NBEA: variants seen among roughly 807,000 people sequenced by gnomAD.
NBEA encodes the protein neurobeachin.
A neutral mutation model predicts 343.4 loss-of-function variants in NBEA; 44 were observed. That is an observed-to-expected ratio of 0.13 (90% confidence interval 0.10 to 0.16). The LOEUF is 0.16. Ranked by LOEUF, NBEA falls within the 10% of genes least tolerant of loss-of-function variation. The pLI is 1.00. For synonymous variants in NBEA, 1,175 were observed against 1,238.7 expected, an observed-to-expected ratio of 0.95 and a Z score of 1.08; for missense variants, 2,555 against 3,631.3, an observed-to-expected ratio of 0.70 and a Z score of 7.62.
intron 18 of NBEA, among the ~76,000 whole-genome samples, chr13:35,150,541 G>A (rs1040939326): frequency 3.3e-5 from 5 of 152,062 alleles, no homozygotes; most frequent in South Asian, 2.1e-4. Context: ...AAAGGAAATC[G>A]CTTCCAGACT....
chr13:35,018,995 A>G (rs1394866611), intron 1 of NBEA, among the ~76,000 whole-genome samples: 2 of 150,596 alleles, frequency 1.3e-5, no homozygotes, highest in Admixed American at 6.6e-5. Context: ...ATCTTTTGAC[A>G]TCATCATGTG....
At chr13:35,643,719 G>C (rs78817546) in intron 49 of NBEA, among the ~76,000 whole-genome samples, 12,643 of 152,204 alleles carry the variant, frequency 0.083, 660 homozygotes, top group African/African-American at 0.15. Context: ...CCTTGCCCAA[G>C]GAGGTGAAGG....
intron 10 of NBEA, among the ~76,000 whole-genome samples, chr13:35,074,630 G>A (rs2152582879): frequency 6.6e-6 from 1 of 152,224 alleles, no homozygotes; most frequent in Non-Finnish European, 1.5e-5. Flanking sequence ...TGGGTGTGTA[G>A]TAGTGGTACA....
At chr13:35,470,736 A>T (rs2075605450) in intron 40 of NBEA, among the ~76,000 whole-genome samples, 1 of 152,096 alleles carries the variant, frequency 6.6e-6, no homozygotes, top group Non-Finnish European at 1.5e-5. Flanking sequence ...GCGTTGGGGG[A>T]TTCGGAGGAG....
In NBEA at chr13:35,050,258, T is replaced by G; in HGVS notation, c.846-11T>G. ...CAGAGGATATTATACTATTCTCAGT[T>G]GTCTTTGCAGTTTTCGTACTAGCAA... On this transcript the variant is annotated splice_polypyrimidine_tract_variant and intron_variant, in intron 5 of 58. Coordinates refer to ENST00000379939, the MANE Select transcript of NBEA (RefSeq NM_001385012.1). The G allele has an allele frequency of 6.2e-7, 1 of 1,606,700 alleles. No homozygotes were observed.
At chr13:35,237,811 CATTT>C (rs2075304796) in intron 34 of NBEA, among the ~76,000 whole-genome samples, 2 of 152,090 alleles carry the variant, frequency 1.3e-5, no homozygotes, top group Admixed American at 1.3e-4. Context: ...TTAAGGCACA[CATTT>C]ATTTTTGTTT....
At chr13:35,235,948 G>A (rs1418134053) in intron 34 of NBEA, among the ~76,000 whole-genome samples, 5 of 152,046 alleles carry the variant, frequency 3.3e-5, no homozygotes, top group Non-Finnish European at 7.4e-5. Context: ...AGTTCATTTT[G>A]TGTTCCCCTG....
In NBEA at chr13:35,377,354, G is replaced by A. The variant is rs144074726; in HGVS notation, c.6179+25031G>A. Among the ~76,000 whole-genome samples, 80 of 152,284 alleles carry A rather than the reference G, an allele frequency of 5.3e-4. 1 individual carries two copies. The highest frequency in any genetic ancestry group is 1.8e-3 in the African/African-American group (75 of 41,576). Reference sequence around the variant, plus strand: ...CAGAATACAGTTCCCTGCCAATGAAGGACTACATAGTCAATTTAGGTTGAA... The same window carrying A: ...CAGAATACAGTTCCCTGCCAATGAAAGACTACATAGTCAATTTAGGTTGAA... On this transcript the variant is annotated intron_variant, in intron 38 of 58. Coordinates refer to ENST00000379939, the MANE Select transcript of NBEA (RefSeq NM_001385012.1).
chr13:35,427,885 G>T (rs1186628909), intron 38 of NBEA, among the ~76,000 whole-genome samples: 2 of 152,174 alleles, frequency 1.3e-5, no homozygotes, highest in Non-Finnish European at 2.9e-5. Context: ...ATCTCAGACT[G>T]CTGTGCTAGC....
chr13:35,129,692 G>A (rs897074770), intron 17 of NBEA, among the ~76,000 whole-genome samples: 4 of 152,038 alleles, frequency 2.6e-5, no homozygotes, highest in African/African-American at 7.2e-5. Context: ...GAATGAGGAA[G>A]AGGCAATATT....
chr13:35,165,051 C>T (rs373660057), intron 24 of NBEA: 7 of 533,156 alleles, frequency 1.3e-5, no homozygotes, highest in South Asian at 4.2e-5. Context: ...GCTACTTGCT[C>T]AGATGGGAAA....
At position 35,433,328 on chromosome 13, in the gene NBEA, T is replaced by A. The variant is rs116736549; in HGVS notation, c.6304+935T>A. ...ATACCAGTAATGAACACTGTCCATG[T>A]GTTTGTTATCCACTTTTGTTCTTCA... On this transcript the variant is annotated intron_variant, in intron 39 of 58. Transcript: ENST00000379939. Among the ~76,000 whole-genome samples the A allele has an allele frequency of 2.9e-3, 447 of 152,198 alleles. 2 individuals are homozygous for A. Among genetic ancestry groups the A allele is most frequent in the African/African-American group, 0.011 (437 of 41,582 alleles).
At position 35,672,295 on chromosome 13, in the gene NBEA, ACACT is replaced by A. The variant is rs925523529; in HGVS notation, c.*1310_*1313del. The A allele has an allele frequency of 1.3e-5, 2 of 152,642 alleles. No homozygotes were observed. Among genetic ancestry groups the A allele is most frequent in the Admixed American group, 6.5e-5 (1 of 15,284 alleles). 9.5% of individuals were successfully genotyped at this position (152,642 alleles called of 1,614,324 possible). A position where few individuals can be genotyped will look rare whatever the true frequency, so the allele number is the denominator to read the frequency against. On this transcript the variant is annotated 3_prime_UTR_variant, in exon 59 of 59. Coordinates refer to ENST00000379939, the MANE Select transcript of NBEA (RefSeq NM_001385012.1). ...CAGGAATGTAATTTTCTCAGAATTT[ACACT>A]CACTCGCAGTCATTTATTTAAAAAG...
intron 36 of NBEA, among the ~76,000 whole-genome samples, chr13:35,316,078 C>G (rs768270050): frequency 4.8e-5 from 7 of 145,912 alleles, no homozygotes; most frequent in Admixed American, 6.8e-5. Context: ...TGACCTATGC[C>G]AGGTTTTCTT....
At chr13:34,945,559 A>G (rs913055191) in intron 1 of NBEA, among the ~76,000 whole-genome samples, 1 of 152,138 alleles carries the variant, frequency 6.6e-6, no homozygotes, top group Non-Finnish European at 1.5e-5. Flanking sequence ...TATTAAATCT[A>G]AAATGATTTT....
intron 1 of NBEA, among the ~76,000 whole-genome samples, chr13:34,969,069 T>A (rs144607953): frequency 1.3e-5 from 2 of 152,240 alleles, no homozygotes; most frequent in African/African-American, 4.8e-5. Flanking sequence ...TGATTAGTGA[T>A]GTTTCTGTTG....
At chr13:34,978,576 A>C (rs985280303) in intron 1 of NBEA, among the ~76,000 whole-genome samples, 47 of 152,172 alleles carry the variant, frequency 3.1e-4, no homozygotes, top group African/African-American at 1.0e-3. Flanking sequence ...AGAACATTAT[A>C]GTCATCCCAG....
chr13:34,971,204 G>A (rs1350539875), intron 1 of NBEA, among the ~76,000 whole-genome samples: 7 of 152,010 alleles, frequency 4.6e-5, no homozygotes, highest in Non-Finnish European at 8.8e-5. Flanking sequence ...AGGAACGCTA[G>A]CAATTTTTGT....
At chr13:35,261,291 T>A (rs2033192367) in intron 34 of NBEA, among the ~76,000 whole-genome samples, 1 of 152,064 alleles carries the variant, frequency 6.6e-6, no homozygotes, top group Admixed American at 6.5e-5. Context: ...GGCGGGTGGA[T>A]CACCTAGGTA....
Sources: allele counts gnomAD v4.1 joint callset (sites outside exome capture counted in the v4.1 genomes callset), GRCh38; gene constraint gnomAD v4.1.1; transcripts MANE v1.5; gene names NCBI Gene and HGNC (gene_info 2026-07-23, HGNC 2026-07-21).